Variants in AQP9 observed in about 807,000 individuals in gnomAD.
AQP9 encodes aquaporin 9, also known as aquaporin-9.
AQP9 carries 19 observed loss-of-function variants against 23.8 expected under a neutral mutation model. The observed-to-expected ratio is 0.80, with a 90% CI of 0.56 to 1.17. The LOEUF is 1.17. Among genes scored for constraint, AQP9 ranks in the 50% most tolerant of loss-of-function variants. The probability of loss-of-function intolerance (pLI) is 0.00; values close to 1 mark genes in which losing one functional copy is unlikely to be tolerated. For missense variants in AQP9, 413 were observed against 362.0 expected, an observed-to-expected ratio of 1.14 and a Z score of -1.14; for synonymous variants, 153 against 131.5, an observed-to-expected ratio of 1.16 and a Z score of -1.12.
rs748060438 is a variant in AQP9, at chr15:58,179,146, C to G, written c.514C>G (p.Leu172Val). Reference sequence around the variant, plus strand: ...TCTCCAGGTGGTGGCCACCATGATACTCCTCATAATCGTCTTTGCCATCTT... The same window carrying G: ...TCTCCAGGTGGTGGCCACCATGATAGTCCTCATAATCGTCTTTGCCATCTT... ...FADQVVATMI[L>V]LIIVFAIFDS... The change falls in exon 5 of 6, where the codon CTC becomes GTC. Residue 172 changes from leucine to valine, a missense_variant. By Grantham distance (32) the Leu-to-Val change is conservative. Coordinates refer to ENST00000219919, the MANE Select transcript of AQP9 (RefSeq NM_020980.5). 5.3e-5 allele frequency: 85 copies of G among 1,612,818 alleles called. No homozygotes were observed. The highest frequency in any genetic ancestry group is 7.0e-5 in the Non-Finnish European group (82 of 1,178,868).
intron 1 of AQP9, chr15:58,151,776 A>T (rs1234560892): frequency 1.3e-5 from 2 of 152,028 alleles, no homozygotes; most frequent in Non-Finnish European, 2.9e-5. Context: ...TATGGACTTC[A>T]CCTATGACTC....
chr15:58,166,605 C>A, intron 1 of AQP9, 68 bp from the exon 2 acceptor site: 1 of 1,524,642 alleles, frequency 6.6e-7, no homozygotes, highest in Non-Finnish European at 8.8e-7. Flanking sequence ...ATACTTGCTA[C>A]TGTGAGTTTC....
intron 1 of AQP9, among the ~76,000 whole-genome samples, chr15:58,159,026 G>A (rs1373980362): frequency 5.9e-5 from 9 of 152,286 alleles, no homozygotes; most frequent in South Asian, 4.1e-4. Context: ...ACACTTTAAA[G>A]GACATAATAA....
chr15:58,183,830 T>A, intron 5 of AQP9, 131 bp from the exon 6 acceptor site: 1 of 1,016,930 alleles, frequency 9.8e-7, no homozygotes, highest in Admixed American at 2.1e-5. Flanking sequence ...TGAGCCCCCC[T>A]TATACTTAGC....
chr15:58,154,725 T>C (rs1319302618), intron 1 of AQP9, among the ~76,000 whole-genome samples: 1 of 151,958 alleles, frequency 6.6e-6, no homozygotes, highest in African/African-American at 2.4e-5. Flanking sequence ...AATTAAAGAC[T>C]ATTAACCCCA....
chr15:58,175,947 C>T (rs943107706), intron 4 of AQP9, among the ~76,000 whole-genome samples: 6 of 152,240 alleles, frequency 3.9e-5, no homozygotes, highest in East Asian at 1.9e-4. Context: ...GAAAGACTGA[C>T]GAGTAAATGT....
At chr15:58,168,737 T>C (rs1898560121) in intron 2 of AQP9, among the ~76,000 whole-genome samples, 1 of 152,178 alleles carries the variant, frequency 6.6e-6, no homozygotes, top group African/African-American at 2.4e-5. Flanking sequence ...ATCCCAGCAC[T>C]CTACTGCTTA....
chr15:58,147,498 G>A (rs1453709800), intron 1 of AQP9, among the ~76,000 whole-genome samples: 1 of 152,188 alleles, frequency 6.6e-6, no homozygotes, highest in Admixed American at 6.5e-5. Flanking sequence ...TCTAAGCAAA[G>A]CAAGTGATTT....
At chr15:58,165,790 G>A (rs1898488031) in intron 1 of AQP9, among the ~76,000 whole-genome samples, 1 of 152,058 alleles carries the variant, frequency 6.6e-6, no homozygotes, top group Non-Finnish European at 1.5e-5. Context: ...GCTGAAGATT[G>A]TGGAAGACTC....
intron 4 of AQP9, among the ~76,000 whole-genome samples, chr15:58,177,995 G>T (rs1348354725): frequency 3.3e-5 from 5 of 152,126 alleles, no homozygotes; most frequent in African/African-American, 1.2e-4. Flanking sequence ...CATTTGTATT[G>T]GACATGTACA....
intron 1 of AQP9, among the ~76,000 whole-genome samples, chr15:58,142,586 C>T (rs2140582175): frequency 6.6e-6 from 1 of 152,286 alleles, no homozygotes; most frequent in Non-Finnish European, 1.5e-5. Flanking sequence ...ATGTCTTCAG[C>T]TCTGATAAAC....
chr15:58,170,271 C>A (rs1173852475), intron 2 of AQP9, among the ~76,000 whole-genome samples: 2 of 152,112 alleles, frequency 1.3e-5, no homozygotes, highest in African/African-American at 4.8e-5. Flanking sequence ...ACCTTTCTGC[C>A]TCCTCTCCAG....
At chr15:58,144,068 C>T (rs1566979708) in intron 1 of AQP9, among the ~76,000 whole-genome samples, 1 of 152,306 alleles carries the variant, frequency 6.6e-6, no homozygotes, top group East Asian at 1.9e-4. Context: ...GTACTCAATT[C>T]CAGTGCAGTG....
chr15:58,160,634 C>T (rs1898357213), intron 1 of AQP9, among the ~76,000 whole-genome samples: 1 of 115,246 alleles, frequency 8.7e-6, no homozygotes, highest in African/African-American at 2.6e-5. Context: ...CTCCAATTAA[C>T]CTGAAAAAAA....
intron 1 of AQP9, 164 bp from the exon 2 acceptor site, chr15:58,166,509 C>G (rs1195951966): frequency 2.4e-6 from 2 of 827,196 alleles, no homozygotes; most frequent in African/African-American, 3.5e-5. Context: ...TTGGGTCCAC[C>G]ATTTTGCTAT....
At chr15:58,177,961 T>C (rs1898794658) in intron 4 of AQP9, among the ~76,000 whole-genome samples, 1 of 152,150 alleles carries the variant, frequency 6.6e-6, no homozygotes, top group Non-Finnish European at 1.5e-5. Flanking sequence ...CAACCAACCA[T>C]GGATCAAAAA....
chr15:58,147,741 T>TA (rs775379082), intron 1 of AQP9, among the ~76,000 whole-genome samples: 14 of 152,016 alleles, frequency 9.2e-5, no homozygotes, highest in Non-Finnish European at 1.5e-4. Context: ...GGTGATTGGT[T>TA]AAAAAAATGG....
chr15:58,161,135 G>C (rs1898373156), intron 1 of AQP9, among the ~76,000 whole-genome samples: 1 of 152,114 alleles, frequency 6.6e-6, no homozygotes, highest in Admixed American at 6.6e-5. Context: ...GATGGGGAGA[G>C]ACTGGAGGTG....
chr15:58,180,990 T>G (rs1193890145), intron 5 of AQP9, among the ~76,000 whole-genome samples: 1 of 152,210 alleles, frequency 6.6e-6, no homozygotes, highest in African/African-American at 2.4e-5. Context: ...AATTCGCCCA[T>G]GAGTTTCCCT....
Sources: gnomAD v4.1 joint callset for allele counts (sites outside exome capture counted in the v4.1 genomes callset) on GRCh38, gnomAD v4.1.1 for gene constraint, MANE v1.5 for transcripts, NCBI Gene and HGNC (gene_info 2026-07-23, HGNC 2026-07-21) for gene names.